The following PXYLP1 variants were observed in gnomAD, a reference collection of about 807,000 sequenced individuals.
The protein encoded by PXYLP1 is 2-phosphoxylose phosphatase 1.
A neutral mutation model predicts 37.9 loss-of-function variants in PXYLP1; 17 were observed. The ratio of observed to expected loss-of-function variants is 0.45; its 90% CI spans 0.31 to 0.67. PXYLP1 has a LOEUF of 0.67. Among genes scored for constraint, PXYLP1 ranks in the 30% least tolerant of loss-of-function variants. The pLI is 0.07. For missense variants in PXYLP1, 511 were observed against 612.0 expected (o/e 0.84, Z 1.74); for synonymous variants, 221 against 232.2 (o/e 0.95, Z 0.44).
intron 2 of PXYLP1, among the ~76,000 whole-genome samples, chr3:141,264,478 G>A (rs1281993227): frequency 2.0e-4 from 31 of 152,166 alleles, no homozygotes; most frequent in Non-Finnish European, 4.1e-4. Context: ...TTTTCTCATT[G>A]ATCCAGTGCC....
intron 4 of PXYLP1, 122 bp downstream of exon 4, chr3:141,279,626 C>T: frequency 2.4e-6 from 3 of 1,251,184 alleles, no homozygotes; most frequent in Non-Finnish European, 3.3e-6. Flanking sequence ...CAGAGCAGTC[C>T]TACATGTGAG....
rs909554346 is a variant in PXYLP1, at chr3:141,294,661, C to A, written c.*1456C>A. On this transcript the variant is annotated 3_prime_UTR_variant, in exon 6 of 6. Coordinates refer to ENST00000286353, the MANE Select transcript of PXYLP1 (RefSeq NM_001037172.3). The stretch of plus-strand genomic sequence containing the variant: ...TATACTATACAACTAATGGTTTGTA[C>A]CTATAAGTCACTCGAGTTATTTTCA... 1 of 152,140 alleles carries A rather than the reference C, an allele frequency of 6.6e-6. No homozygotes were observed. The allele number at this position is 152,140 out of a possible 1,614,324, so 9.4% of individuals were successfully genotyped here. A position where few individuals can be genotyped will look rare whatever the true frequency, so the allele number is the denominator to read the frequency against.
intron 1 of PXYLP1, among the ~76,000 whole-genome samples, chr3:141,239,335 G>A (rs755879546): frequency 6.6e-6 from 1 of 152,174 alleles, no homozygotes; most frequent in Non-Finnish European, 1.5e-5. Flanking sequence ...ATTTATGGTC[G>A]AAGGTCATGG....
intron 1 of PXYLP1, among the ~76,000 whole-genome samples, chr3:141,255,496 G>T (rs965299804): frequency 1.3e-5 from 2 of 152,246 alleles, no homozygotes; most frequent in Non-Finnish European, 1.5e-5. Context: ...AGATGTGGGA[G>T]CTGTAATCCC....
chr3:141,275,786 A>G (rs1285271681), intron 2 of PXYLP1, among the ~76,000 whole-genome samples: 1 of 92,684 alleles, frequency 1.1e-5, no homozygotes, highest in Non-Finnish European at 2.1e-5. Context: ...GAAGGGAAAT[A>G]CGTTCACTGT....
chr3:141,235,382 A>C (rs544903475), intron 1 of PXYLP1: 1 of 152,206 alleles, frequency 6.6e-6, no homozygotes, highest in Non-Finnish European at 1.5e-5. Flanking sequence ...CCACTTTACC[A>C]TGGCTTAATT....
rs1366352845 is a variant in PXYLP1, at chr3:141,287,440, G to A, written c.492G>A (p.Glu164=). The A allele has an allele frequency of 1.2e-6, 2 of 1,614,042 alleles. No homozygotes were observed. The highest frequency in any genetic ancestry group is 3.3e-5 in the Admixed American group (2 of 60,002). ...YPNHPLCEMG[E]LTQTGVVQHL... ...ATCACCCATTGTGTGAGATGGGAGA[G>A]CTCACACAGACAGGTATGTGTGACC... Residue 164 remains glutamate, a synonymous_variant, in exon 5 of 6, where the codon GAG becomes GAA. Coordinates refer to ENST00000286353, the MANE Select transcript of PXYLP1 (RefSeq NM_001037172.3).
chr3:141,260,210 C>A lies in PXYLP1; in HGVS notation c.35C>A (p.Ala12Asp). 6.2e-7 allele frequency: 1 copy of A among 1,613,664 alleles called. No homozygotes were observed. Among genetic ancestry groups the A allele is most frequent in the Non-Finnish European group, 8.5e-7 (1 of 1,180,020 alleles). ...LFRNRFLLLLALAALLAFVSL... is the reference protein window; with the variant it reads ...LFRNRFLLLLDLAALLAFVSL... Reference sequence around the variant, plus strand: ...CGCAACCGCTTCTTGCTGCTGCTGGCCCTGGCTGCGCTGCTGGCCTTTGTG... The same window carrying A: ...CGCAACCGCTTCTTGCTGCTGCTGGACCTGGCTGCGCTGCTGGCCTTTGTG... The change falls in exon 2 of 6, where the codon GCC becomes GAC. Residue 12 changes from alanine (A) to aspartate (D), a missense_variant. By Grantham distance (126) the Ala-to-Asp change is moderately radical. Coordinates refer to ENST00000286353, the MANE Select transcript of PXYLP1 (RefSeq NM_001037172.3).
intron 1 of PXYLP1, among the ~76,000 whole-genome samples, chr3:141,239,225 T>C (rs1940735354): frequency 6.6e-6 from 1 of 152,212 alleles, no homozygotes; most frequent in African/African-American, 2.4e-5. Flanking sequence ...GTCATGATCA[T>C]CTCTTGATTT....
intron 4 of PXYLP1, among the ~76,000 whole-genome samples, chr3:141,282,273 T>G (rs1941972724): frequency 1.3e-5 from 2 of 152,210 alleles, no homozygotes; most frequent in African/African-American, 4.8e-5. Context: ...AACTGGTTTC[T>G]GTCTCTAGAA....
Position 141,231,849 on chromosome 3 carries a change from TG to T in PXYLP1, c.-114del, listed in dbSNP as rs1940516507. 1 of 150,402 alleles carries T rather than the reference TG, an allele frequency of 6.6e-6. No individual in the cohort carries two copies. The highest frequency in any genetic ancestry group is 2.4e-5 in the African/African-American group (1 of 41,098). The allele number at this position is 150,402 out of a possible 1,614,324, so 9.3% of individuals were successfully genotyped here. ...CGCCTCCCCTCGCGCCGGGAGGAGC[TG>T]GCGGCGAGCGCCGAGCCGGGCGCGC... On this transcript the variant is annotated 5_prime_UTR_variant, in exon 1 of 6. Transcript: ENST00000286353. The surrounding 1 kb of genome is among the most constrained non-coding windows in gnomAD (Gnocchi z 4.4).
At chr3:141,274,439 C>T in intron 2 of PXYLP1, 8 of 1,483,038 alleles carry the variant, frequency 5.4e-6, no homozygotes, top group East Asian at 2.5e-5. Context: ...CTCTGCTCCT[C>T]TCCTCTTCCC....
intron 4 of PXYLP1, among the ~76,000 whole-genome samples, chr3:141,286,049 A>T (rs564265160): frequency 4.1e-4 from 63 of 152,328 alleles, no homozygotes; most frequent in Non-Finnish European, 8.1e-4. Flanking sequence ...GCCTTCAGAC[A>T]GCAGGGGTTT....
At chr3:141,257,924 A>AG (rs1941300078) in intron 1 of PXYLP1, among the ~76,000 whole-genome samples, 2 of 139,536 alleles carry the variant, frequency 1.4e-5, no homozygotes, top group African/African-American at 6.5e-5. Context: ...AAAAAAAAAA[A>AG]AAGAGAGAGA....
At chr3:141,260,618 C>A (rs1403539607) in intron 2 of PXYLP1, among the ~76,000 whole-genome samples, 1 of 152,190 alleles carries the variant, frequency 6.6e-6, no homozygotes, top group Non-Finnish European at 1.5e-5. Context: ...AGCCTTCAGT[C>A]AGCCGCGGGG....
intron 1 of PXYLP1, among the ~76,000 whole-genome samples, chr3:141,238,335 A>G (rs73232931): frequency 0.036 from 5,508 of 152,318 alleles, 141 homozygotes; most frequent in South Asian, 0.11. Context: ...AGGCTCCAGC[A>G]TGGCAGCCTG....
intron 2 of PXYLP1, chr3:141,273,278 C>T (rs1576596831): frequency 1.0e-6 from 1 of 985,444 alleles, no homozygotes; most frequent in Non-Finnish European, 1.2e-6. Context: ...AAATACCGAG[C>T]TTAGTGGGTG....
At chr3:141,234,186 C>T (rs1050531478) in intron 1 of PXYLP1, 4 of 151,798 alleles carry the variant, frequency 2.6e-5, no homozygotes, top group Non-Finnish European at 5.9e-5. Context: ...TCACCAGAGA[C>T]AAACTCATTT....
chr3:141,279,491 C>T lies in PXYLP1; in HGVS notation c.352C>T (p.Leu118=). ...KTKRPEIDCT[L]VANRKPYHPK... ...AAAGCGACCAGAAATTGACTGCACTCTGGTGGCTAACAGGTAAATTGCACT... is the reference window on the plus strand; with the variant it reads ...AAAGCGACCAGAAATTGACTGCACTTTGGTGGCTAACAGGTAAATTGCACT... The change falls in exon 4 of 6, where the codon CTG becomes TTG. Residue 118 remains leucine (L), a synonymous_variant. Transcript: ENST00000286353. 1 of 1,614,268 alleles carries T rather than the reference C, an allele frequency of 6.2e-7. No homozygotes were observed. Among genetic ancestry groups the T allele is most frequent in the African/African-American group, 1.3e-5 (1 of 75,068 alleles).
Sources: allele counts gnomAD v4.1 joint callset (sites outside exome capture counted in the v4.1 genomes callset), GRCh38; gene constraint gnomAD v4.1.1; non-coding constraint Gnocchi (gnomAD v3.1); transcripts MANE v1.5; gene names NCBI Gene and HGNC (gene_info 2026-07-23, HGNC 2026-07-21).